Variants in HNRNPH1 observed in about 807,000 individuals in gnomAD.
HNRNPH1 encodes heterogeneous nuclear ribonucleoprotein H.
In HNRNPH1, 4 loss-of-function variants were observed where a neutral mutation model predicts 58.6. The ratio of observed to expected loss-of-function variants is 0.07; its 90% CI spans 0.03 to 0.16. The LOEUF is 0.16. Among genes scored for constraint, HNRNPH1 ranks in the 10% least tolerant of loss-of-function variants. HNRNPH1 has a pLI of 1.00. For missense variants in HNRNPH1, 271 were observed against 564.2 expected, an observed-to-expected ratio of 0.48 and a Z score of 5.26; for synonymous variants, 192 against 189.2, an observed-to-expected ratio of 1.01 and a Z score of -0.12.
At chr5:179,630,411 C>T (rs1247283485) in intron 2 of HNRNPH1, among the ~76,000 whole-genome samples, 1 of 151,988 alleles carries the variant, frequency 6.6e-6, no homozygotes, top group Non-Finnish European at 1.5e-5. Context: ...GATCCATAGG[C>T]TTGAGAAGTG....
At chr5:179,616,784 TATTA>T in intron 10 of HNRNPH1, 81 bp downstream of exon 11, 1 of 1,194,462 alleles carries the variant, frequency 8.4e-7, no homozygotes. Context: ...ATGCTAAACT[TATTA>T]AATAAATAGA....
chr5:179,615,393 G>A (rs1204081052), intron 12 of HNRNPH1, 153 bp downstream of exon 13: 2 of 520,038 alleles, frequency 3.8e-6, no homozygotes, highest in Non-Finnish European at 7.0e-6. Flanking sequence ...TGGGCAGGAA[G>A]TGAGACAACC....
chr5:179,619,498 G>A, intron 3 of HNRNPH1, 91 bp from the exon 5 acceptor site: 2 of 1,208,154 alleles, frequency 1.7e-6, no homozygotes, highest in Non-Finnish European at 2.3e-6. Flanking sequence ...AAATAAACCA[G>A]AATTTTTAAC....
chr5:179,632,159 T>A (rs1405190649), intron 2 of HNRNPH1, among the ~76,000 whole-genome samples: 2 of 151,802 alleles, frequency 1.3e-5, no homozygotes, highest in South Asian at 2.1e-4. Context: ...ACAAAAAAAA[T>A]TATCCGGGCG....
intron 3 of HNRNPH1, chr5:179,619,729 G>A (rs1329939512): frequency 5.7e-6 from 1 of 176,482 alleles, no homozygotes; most frequent in African/African-American, 2.4e-5. Flanking sequence ...TAAGTTTTAA[G>A]CATTAAATAA....
chr5:179,625,774 ATTTTTT>A (rs1490907333), upstream of HNRNPH1, among the ~76,000 whole-genome samples: 1 of 118,060 alleles, frequency 8.5e-6, no homozygotes, highest in Non-Finnish European at 1.7e-5. Context: ...TTAAATTTTT[ATTTTTT>A]ATTTGTTTGT....
exon 10 of HNRNPH1, chr5:179,616,887 T>C: frequency 6.2e-7 from 1 of 1,613,818 alleles, no homozygotes. Context: ...ATGCCTCCCA[T>C]CATTTGGCTA....
chr5:179,623,847 C>G (rs1000091706), exon 1 of HNRNPH1: 4 of 152,354 alleles, frequency 2.6e-5, no homozygotes, highest in Non-Finnish European at 5.9e-5. Context: ...GGGCTCAGCA[C>G]CCCCACCCAT....
exon 13 of HNRNPH1, chr5:179,614,944 A>G: frequency 6.5e-7 from 1 of 1,546,774 alleles, no homozygotes; most frequent in Non-Finnish European, 8.7e-7. Context: ...GCTGCTGTTC[A>G]CTGCTCCTTG....
chr5:179,628,299 C>T (rs923822847), upstream of HNRNPH1, among the ~76,000 whole-genome samples: 2 of 152,112 alleles, frequency 1.3e-5, no homozygotes, highest in Admixed American at 6.6e-5. Flanking sequence ...TACAGCTTAG[C>T]CTCAATAAGA....
intron 10 of HNRNPH1, 91 bp downstream of exon 11, chr5:179,616,778 T>TA (rs2127616462): frequency 8.7e-7 from 1 of 1,155,168 alleles, no homozygotes; most frequent in East Asian, 2.5e-5. Context: ...TTTCTTATGC[T>TA]AAACTTATTA....
At chr5:179,619,330 A>G (rs1771217847) in exon 4 of HNRNPH1, 1 of 1,613,276 alleles carries the variant, frequency 6.2e-7, no homozygotes, top group African/African-American at 1.3e-5. Context: ...TGTGAAGCAA[A>G]CTGCACGAAG....
rs1413901033 is a variant in HNRNPH1 at position 179,621,235 on chromosome 5, A to G, written c.253+7T>C. On this transcript the variant is annotated splice_region_variant and intron_variant, in intron 2 of 12. Transcript: ENST00000356731. ...ATTTACTGTAACTAGGGCAATGTAA[A>G]TCAAACCTTCAACATATCTGTGTCC... is the stretch of plus-strand genomic sequence containing the variant. 1 of 1,612,792 alleles carries G rather than the reference A, an allele frequency of 6.2e-7. No homozygotes were observed. Among genetic ancestry groups the G allele is most frequent in the Non-Finnish European group, 8.5e-7 (1 of 1,178,978 alleles).
chr5:179,616,056 T>C, intron 11 of HNRNPH1, 70 bp downstream of exon 12: 1 of 1,330,706 alleles, frequency 7.5e-7, no homozygotes, highest in Non-Finnish European at 1.1e-6. Context: ...TTACCATAAC[T>C]TACTCTAAGT....
chr5:179,627,794 C>A (rs975274315), upstream of HNRNPH1, among the ~76,000 whole-genome samples: 1 of 146,440 alleles, frequency 6.8e-6, no homozygotes, highest in Non-Finnish European at 1.5e-5. Flanking sequence ...TGGTGGTGGG[C>A]GCCTGTAATC....
chr5:179,623,348 G>T (rs1009216508), exon 1 of HNRNPH1: 2 of 388,920 alleles, frequency 5.1e-6, no homozygotes, highest in Non-Finnish European at 9.7e-6. Flanking sequence ...AACAGCTGTC[G>T]GCGCCCCGAA....
chr5:179,622,165 T>TATA (rs1215268741), intron 1 of HNRNPH1, among the ~76,000 whole-genome samples: 1 of 152,114 alleles, frequency 6.6e-6, no homozygotes, highest in Non-Finnish European at 1.5e-5. Flanking sequence ...TGTCTTCAAC[T>TATA]GTATAGTGAG....
chr5:179,620,871 G>A (rs865868784), intron 3 of HNRNPH1, 21 bp downstream of exon 4: 3 of 1,611,444 alleles, frequency 1.9e-6, no homozygotes, highest in Non-Finnish European at 1.7e-6. Flanking sequence ...TCACTGCTCA[G>A]CAACAAACAT....
At chr5:179,617,228 T>C in intron 8 of HNRNPH1, 118 bp from the exon 10 acceptor site, 1 of 967,264 alleles carries the variant, frequency 1.0e-6, no homozygotes, top group Non-Finnish European at 1.6e-6. Flanking sequence ...GGCAAAGAAA[T>C]TCTAGCTACT....
Sources: allele counts gnomAD v4.1 joint callset (sites outside exome capture counted in the v4.1 genomes callset), GRCh38; gene constraint gnomAD v4.1.1; transcripts MANE v1.5; gene names NCBI Gene and HGNC (gene_info 2026-07-23, HGNC 2026-07-21).